OCA2: variants seen among roughly 807,000 people sequenced by gnomAD.
OCA2 encodes OCA2 melanosomal transmembrane protein.
OCA2 carries 77 observed loss-of-function variants against 100.2 expected under a neutral mutation model. That is an observed-to-expected ratio of 0.77 (90% confidence interval 0.64 to 0.93). The LOEUF is 0.93. OCA2 is among the 40% of genes least tolerant of loss of function. The pLI is 0.00. For missense variants in OCA2, 1,062 were observed against 1,089.1 expected (o/e 0.98, Z 0.35); for synonymous variants, 432 against 439.2 (o/e 0.98, Z 0.21).
chr15:27,799,623 T>C (rs2033503072), intron 23 of OCA2, among the ~76,000 whole-genome samples: 2 of 151,992 alleles, frequency 1.3e-5, no homozygotes, highest in South Asian at 4.1e-4. Flanking sequence ...TGCATGCCTG[T>C]AATTCCAGCT....
intron 23 of OCA2, among the ~76,000 whole-genome samples, chr15:27,823,176 G>A (rs12438932): frequency 0.14 from 21,745 of 152,230 alleles, 2,317 homozygotes; most frequent in East Asian, 0.54. Context: ...GTTTGAGCCT[G>A]TTTCTGGGCT....
At chr15:28,008,685 C>A (rs571544740) in intron 9 of OCA2, among the ~76,000 whole-genome samples, 7 of 152,298 alleles carry the variant, frequency 4.6e-5, no homozygotes, top group African/African-American at 1.4e-4. Flanking sequence ...ATAAAAATGG[C>A]CTTGCTGAGG....
chr15:27,983,324 C>T, intron 14 of OCA2, 21 bp downstream of exon 14: 1 of 1,613,978 alleles, frequency 6.2e-7, no homozygotes, highest in South Asian at 1.1e-5. Context: ...CTGGAAGCAA[C>T]CCTAGCATGC....
intron 19 of OCA2, among the ~76,000 whole-genome samples, chr15:27,902,535 G>A (rs1026373571): frequency 9.9e-5 from 15 of 152,052 alleles, no homozygotes; most frequent in African/African-American, 2.9e-4. Flanking sequence ...AAAAGACATC[G>A]CCAAGCCTAT....
chr15:27,903,497 TG>T lies in OCA2; in HGVS notation c.2079+22629del, dbSNP rs556595842. 8.1e-3 allele frequency among the ~76,000 whole-genome samples: 1,228 copies of T among 152,306 alleles called. 13 individuals are homozygous for T. Among genetic ancestry groups the T allele is most frequent in the Non-Finnish European group, 0.011 (743 of 68,008 alleles). ...TTTCTTTTTGTTTTGTTTTTGTTGT[TG>T]TTTTGTTGAGATGGAGTCTTGCTCT... On this transcript the variant is annotated intron_variant, in intron 19 of 23. Transcript: ENST00000354638.
At chr15:27,917,555 A>G (rs946393029) in intron 19 of OCA2, among the ~76,000 whole-genome samples, 3 of 152,150 alleles carry the variant, frequency 2.0e-5, no homozygotes, top group African/African-American at 7.2e-5. Flanking sequence ...TGTGATATTC[A>G]TGGCACATGA....
In OCA2 at chr15:27,951,891, T is replaced by C. The variant is rs1800414; in HGVS notation, c.1844A>G (p.His615Arg). ...ETNIQELQKKHRISDGILLAK... is the reference protein window; with the variant it reads ...ETNIQELQKKRRISDGILLAK... Reference sequence around the variant, plus strand: ...GAGCAGAATCCCGTCAGATATCCTATGCTGTAAGAGAGAAACCACAGCTCA... The same window carrying C: ...GAGCAGAATCCCGTCAGATATCCTACGCTGTAAGAGAGAAACCACAGCTCA... Residue 615 changes from histidine to arginine, a missense_variant and splice_region_variant, in exon 18 of 24, where the codon CAT becomes CGT. His to Arg is a conservative substitution (Grantham distance 29). Coordinates refer to ENST00000354638, the MANE Select transcript of OCA2 (RefSeq NM_000275.3). 28,121 of 1,607,214 alleles carry C rather than the reference T, an allele frequency of 0.017. 7,783 individuals carry two copies. In the East Asian group the frequency reaches 0.58, roughly 33 times the overall value.
intron 17 of OCA2, among the ~76,000 whole-genome samples, chr15:27,954,917 T>C (rs1195164333): frequency 6.6e-6 from 1 of 152,208 alleles, no homozygotes; most frequent in African/African-American, 2.4e-5. Flanking sequence ...CCCTGCAACG[T>C]GCAGGGACAG....
At chr15:27,797,998 A>C (rs1016765851) in intron 23 of OCA2, among the ~76,000 whole-genome samples, 1 of 152,194 alleles carries the variant, frequency 6.6e-6, no homozygotes, top group Non-Finnish European at 1.5e-5. Context: ...CAGGACAGGG[A>C]GGGCATGTGA....
chr15:27,749,509 A>T, the OCA2 span, among the ~76,000 whole-genome samples: 5 of 152,202 alleles, frequency 3.3e-5, no homozygotes, highest in African/African-American at 1.2e-4. Flanking sequence ...GGCAAAAAAT[A>T]TATATTAAAG....
At chr15:28,016,458 A>G (rs1174450881) in intron 7 of OCA2, among the ~76,000 whole-genome samples, 1 of 152,260 alleles carries the variant, frequency 6.6e-6, no homozygotes, top group East Asian at 1.9e-4. Flanking sequence ...CAAAAGGCAT[A>G]GAAGTAAATA....
chr15:28,024,753 C>T, intron 5 of OCA2, 92 bp downstream of exon 5: 1 of 1,308,870 alleles, frequency 7.6e-7, no homozygotes, highest in Non-Finnish European at 1.1e-6. Context: ...AGGCACTGAG[C>T]CCCACACCTC....
chr15:27,758,532 G>A (rs368047313), intron 23 of OCA2, among the ~76,000 whole-genome samples: 16 of 152,266 alleles, frequency 1.1e-4, no homozygotes, highest in South Asian at 2.1e-4. Context: ...TACAGATGTC[G>A]AAATTATCTG....
At chr15:27,796,375 C>T (rs964706618) in intron 23 of OCA2, among the ~76,000 whole-genome samples, 2 of 152,270 alleles carry the variant, frequency 1.3e-5, no homozygotes, top group Non-Finnish European at 2.9e-5. Flanking sequence ...CCCACGTGGA[C>T]ACCAGCACCC....
intron 19 of OCA2, among the ~76,000 whole-genome samples, chr15:27,882,323 T>C (rs1437100085): frequency 6.6e-6 from 1 of 152,218 alleles, no homozygotes; most frequent in Non-Finnish European, 1.5e-5. Context: ...TGCTCTGTCA[T>C]AGTCACTCCA....
intron 2 of OCA2, among the ~76,000 whole-genome samples, chr15:28,042,290 AT>A (rs2043226152): frequency 6.6e-6 from 1 of 152,144 alleles, no homozygotes; most frequent in Non-Finnish European, 1.5e-5. Context: ...ATTTCTACTT[AT>A]CATTTCTAGC....
At chr15:27,868,562 A>G (rs2036418737) in intron 21 of OCA2, among the ~76,000 whole-genome samples, 1 of 151,802 alleles carries the variant, frequency 6.6e-6, no homozygotes, top group Admixed American at 6.6e-5. Flanking sequence ...TCGGGGGTGG[A>G]GGGAGGGGGA....
intron 9 of OCA2, among the ~76,000 whole-genome samples, chr15:28,001,742 C>CACTGCCCCCAGGGAGCT (rs1179702668): frequency 2.6e-5 from 4 of 152,236 alleles, no homozygotes; most frequent in African/African-American, 9.6e-5. Flanking sequence ...GAACTCACAG[C>CACTGCCCCCAGGGAGCT]ACTGCCCCCA....
chr15:28,017,209 T>G (rs1191855602), intron 7 of OCA2, among the ~76,000 whole-genome samples: 1 of 152,206 alleles, frequency 6.6e-6, no homozygotes, highest in Non-Finnish European at 1.5e-5. Context: ...CTTCAGTGTT[T>G]GCAAAGAGCG....
Sources: gnomAD v4.1 joint callset for allele counts (sites outside exome capture counted in the v4.1 genomes callset) on GRCh38, gnomAD v4.1.1 for gene constraint, MANE v1.5 for transcripts, NCBI Gene and HGNC (gene_info 2026-07-23, HGNC 2026-07-21) for gene names.